The following ZFAT variants were observed in gnomAD, a reference collection of about 807,000 sequenced individuals.
ZFAT encodes zinc finger protein ZFAT.
Under a neutral mutation model 117.7 loss-of-function variants are expected in ZFAT, and 64 were observed. That is an observed-to-expected ratio of 0.54 (90% confidence interval 0.44 to 0.67). The LOEUF (loss-of-function observed/expected upper bound fraction) is 0.67. Among genes scored for constraint, ZFAT ranks in the 30% least tolerant of loss-of-function variants. The pLI, the probability that ZFAT is intolerant of heterozygous loss-of-function variation, is 0.00. For synonymous variants in ZFAT, 679 were observed against 615.0 expected, an observed-to-expected ratio of 1.10 and a Z score of -1.54; for missense variants, 1,433 against 1,584.5, an observed-to-expected ratio of 0.90 and a Z score of 1.62.
At chr8:134,543,376 A>G (rs2018369) in intron 11 of ZFAT, among the ~76,000 whole-genome samples, 119,312 of 152,292 alleles carry the variant, frequency 0.78, 47,080 homozygotes, top group East Asian at 0.91. Flanking sequence ...AGGCACATGC[A>G]GGAGATGTGC....
At chr8:134,501,631 G>A (rs6997445) in intron 15 of ZFAT, among the ~76,000 whole-genome samples, 23,812 of 152,034 alleles carry the variant, frequency 0.16, 2,982 homozygotes, top group African/African-American at 0.34. Flanking sequence ...TACCACACAC[G>A]CACAGGCAAG....
At chr8:134,829,339 C>T in the ZFAT span, among the ~76,000 whole-genome samples, 18 of 152,108 alleles carry the variant, frequency 1.2e-4, no homozygotes, top group African/African-American at 4.3e-4. Flanking sequence ...CCAACGTGGC[C>T]CGGGGAGGCC....
At chr8:134,799,085 C>T in the ZFAT span, among the ~76,000 whole-genome samples, 5 of 152,124 alleles carry the variant, frequency 3.3e-5, no homozygotes, top group Non-Finnish European at 5.9e-5. Context: ...CAGAATAAAA[C>T]AGCTCTCTCG....
At chr8:134,782,413 T>C in the ZFAT span, among the ~76,000 whole-genome samples, 1 of 152,236 alleles carries the variant, frequency 6.6e-6, no homozygotes, top group Non-Finnish European at 1.5e-5. Flanking sequence ...ATGCTGTCTT[T>C]AAGAATTCAC....
intron 3 of ZFAT, among the ~76,000 whole-genome samples, chr8:134,616,844 T>C (rs915053334): frequency 2.6e-5 from 4 of 152,062 alleles, no homozygotes; most frequent in African/African-American, 9.7e-5. Context: ...ACTTAACCAC[T>C]TGCAAAGGAA....
intron 7 of ZFAT, chr8:134,599,930 C>T (rs973419299): frequency 1.0e-5 from 4 of 392,708 alleles, no homozygotes; most frequent in African/African-American, 2.1e-5. Flanking sequence ...TTAAAATAAA[C>T]GTGCTTCAAA....
At chr8:134,781,657 G>A in the ZFAT span, among the ~76,000 whole-genome samples, 42,995 of 151,974 alleles carry the variant, frequency 0.28, 7,666 homozygotes, top group Admixed American at 0.46. Flanking sequence ...GTGGATTTTG[G>A]AAAATAAAAG....
chr8:134,631,965 G>A (rs181744874), intron 3 of ZFAT, among the ~76,000 whole-genome samples: 21 of 152,146 alleles, frequency 1.4e-4, no homozygotes, highest in South Asian at 4.2e-4. Context: ...TATTTTCTCC[G>A]TGGACCCTAT....
intron 15 of ZFAT, among the ~76,000 whole-genome samples, chr8:134,502,151 T>G (rs1163398502): frequency 6.6e-6 from 1 of 152,238 alleles, no homozygotes; most frequent in Non-Finnish European, 1.5e-5. Flanking sequence ...CCACAAGTCT[T>G]ATAAAATGTT....
chr8:134,749,240 A>G, the ZFAT span, among the ~76,000 whole-genome samples: 1 of 152,202 alleles, frequency 6.6e-6, no homozygotes, highest in Non-Finnish European at 1.5e-5. Flanking sequence ...CTCTTATACT[A>G]CCTTCAAAAG....
chr8:134,680,098 A>G lies in ZFAT; in HGVS notation c.20-22361T>C, dbSNP rs551608185. On this transcript the variant is annotated intron_variant, in intron 1 of 15. Coordinates refer to ENST00000377838, the MANE Select transcript of ZFAT (RefSeq NM_020863.4). ...CCTGAACTTAAAGTATAATTAAAAA[A>G]AAAAACAGAAAAAATTAGCCAGGCA... Among the ~76,000 whole-genome samples the G allele has an allele frequency of 4.6e-5, 7 of 151,986 alleles. No individual in the cohort carries two copies. The East Asian group carries it at 1.2e-3, about 25-fold the overall frequency.
rs917002796 is a variant in ZFAT at position 134,574,823 on chromosome 8, T to A, written c.2887+9009A>T. On this transcript the variant is annotated intron_variant, in intron 10 of 15. Transcript: ENST00000377838. ...AAAAATGCCTCCTTATGACTGTTTA[T>A]CCAGTCTTACTGAAAAAGGTGGTAT... Among the ~76,000 whole-genome samples the A allele has an allele frequency of 7.2e-5, 11 of 152,196 alleles. 1 individual carries two copies. The highest frequency in any genetic ancestry group is 2.1e-4 in the South Asian group (1 of 4,834).
intron 1 of ZFAT, among the ~76,000 whole-genome samples, chr8:134,688,548 G>A (rs1362811623): frequency 6.6e-6 from 1 of 152,182 alleles, no homozygotes; most frequent in Non-Finnish European, 1.5e-5. Flanking sequence ...GAGAAGGAAG[G>A]TGGAGGAAAC....
chr8:134,512,401 T>G (rs17761176), intron 14 of ZFAT, 74 bp downstream of exon 14: 1 of 1,568,850 alleles, frequency 6.4e-7, no homozygotes, highest in African/African-American at 1.4e-5. Flanking sequence ...ACATCATTCA[T>G]CTGCAAACGC....
chr8:134,811,190 AGAT>A, the ZFAT span, among the ~76,000 whole-genome samples: 1 of 152,220 alleles, frequency 6.6e-6, no homozygotes, highest in Admixed American at 6.5e-5. Context: ...TTCAAAAGAA[AGAT>A]GATGTGACAA....
At chr8:134,561,117 G>A (rs1011447613) in intron 11 of ZFAT, among the ~76,000 whole-genome samples, 3 of 152,216 alleles carry the variant, frequency 2.0e-5, no homozygotes, top group Admixed American at 1.3e-4. Context: ...TTGGCATAAA[G>A]ATATCCACTG....
At chr8:134,730,218 C>T in the ZFAT span, among the ~76,000 whole-genome samples, 32 of 152,344 alleles carry the variant, frequency 2.1e-4, no homozygotes, top group Middle Eastern at 3.4e-3. Context: ...AGCAATGCCC[C>T]GGGCCCAATG....
At chr8:134,584,047 C>T (rs543196296) in intron 9 of ZFAT, 42 bp from the exon 10 acceptor site, 341 of 1,517,148 alleles carry the variant, frequency 2.2e-4, no homozygotes, top group Non-Finnish European at 2.6e-4. Flanking sequence ...TATTTACATA[C>T]GTTTATGCAT....
At chr8:134,656,050 A>G (rs1444045813) in intron 2 of ZFAT, among the ~76,000 whole-genome samples, 7 of 152,216 alleles carry the variant, frequency 4.6e-5, no homozygotes, top group African/African-American at 1.7e-4. Context: ...TCAGAAAGCA[A>G]GTCACTGACT....
Sources: allele counts gnomAD v4.1 joint callset (sites outside exome capture counted in the v4.1 genomes callset), GRCh38; gene constraint gnomAD v4.1.1; transcripts MANE v1.5; gene names NCBI Gene and HGNC (gene_info 2026-07-23, HGNC 2026-07-21).